The following IL20RB variants were observed in gnomAD, a reference collection of about 807,000 sequenced individuals.
The protein encoded by IL20RB is interleukin-20 receptor subunit beta.
In IL20RB, 21 loss-of-function variants were observed where a neutral mutation model predicts 33.3. The observed-to-expected ratio is 0.63, with a 90% CI of 0.45 to 0.91. The LOEUF (loss-of-function observed/expected upper bound fraction) is 0.91. Ranked by LOEUF, IL20RB falls within the 40% of genes least tolerant of loss-of-function variation. The probability of loss-of-function intolerance (pLI) is 0.00; values close to 1 mark genes in which losing one functional copy is unlikely to be tolerated. For synonymous variants in IL20RB, 147 were observed against 146.8 expected (o/e 1.00, Z -0.01); for missense variants, 345 against 384.8 (o/e 0.90, Z 0.86).
At chr3:136,984,354 TGGAGTGGAAA>T (rs1941852430) in intron 3 of IL20RB, among the ~76,000 whole-genome samples, 1 of 151,974 alleles carries the variant, frequency 6.6e-6, no homozygotes, top group Non-Finnish European at 1.5e-5. Context: ...AGTAACTTCA[TGGAGTGGAAA>T]GGATGACCAT....
chr3:136,994,215 A>G (rs1437172374), intron 5 of IL20RB, among the ~76,000 whole-genome samples: 4 of 152,172 alleles, frequency 2.6e-5, no homozygotes, highest in Non-Finnish European at 5.9e-5. Flanking sequence ...ATTTGATAGC[A>G]CAATAGGATG....
intron 3 of IL20RB, among the ~76,000 whole-genome samples, chr3:136,989,062 T>G (rs913937418): frequency 6.6e-6 from 1 of 152,130 alleles, no homozygotes; most frequent in African/African-American, 2.4e-5. Flanking sequence ...GCTGAAAAAG[T>G]GGTGACAGGA....
At position 136,958,197 on chromosome 3, in the gene IL20RB, C is replaced by A; in HGVS notation, c.84C>A (p.Leu28=). Residue 28 remains leucine, a synonymous_variant, in exon 1 of 7, where the codon CTC becomes CTA. Coordinates refer to ENST00000329582, the MANE Select transcript of IL20RB (RefSeq NM_144717.4). ...TCTACGCATTGATTCCATGTTTGCT[C>A]ACAGGTAAGTATGAATTAGAATACA... The part of the protein sequence containing the change: ...WFFYALIPCL[L]TDEVAILPAP... 1 of 1,593,378 alleles carries A rather than the reference C, an allele frequency of 6.3e-7. No homozygotes were observed. Among genetic ancestry groups the A allele is most frequent in the Non-Finnish European group, 8.6e-7 (1 of 1,161,280 alleles).
chr3:136,999,557 A>ATT (rs34743717), intron 6 of IL20RB, among the ~76,000 whole-genome samples: 1,599 of 142,572 alleles, frequency 0.011, 20 homozygotes, highest in South Asian at 0.035. Flanking sequence ...TTCTTCAGGT[A>ATT]TTTTTTTTTT....
chr3:137,006,331 G>A (rs538277429), intron 6 of IL20RB, among the ~76,000 whole-genome samples: 2 of 152,310 alleles, frequency 1.3e-5, no homozygotes, highest in East Asian at 3.9e-4. Context: ...GGTTGGGGAA[G>A]TTCTCCTGGA....
intron 2 of IL20RB, among the ~76,000 whole-genome samples, chr3:136,981,267 T>TAAATTAAATTAAATTAAATG (rs1553804169): frequency 1.3e-5 from 2 of 150,748 alleles, no homozygotes; most frequent in Non-Finnish European, 3.0e-5. Context: ...TATTTAAATT[T>TAAATTAAATTAAATTAAATG]AAATTAAATT....
chr3:137,000,825 C>T (rs189155917), intron 6 of IL20RB, among the ~76,000 whole-genome samples: 1 of 152,276 alleles, frequency 6.6e-6, no homozygotes, highest in East Asian at 1.9e-4. Flanking sequence ...AACTCTGCTG[C>T]CCATGCTTAC....
At chr3:136,995,729 A>T (rs1169432456) in intron 6 of IL20RB, among the ~76,000 whole-genome samples, 173 bp downstream of exon 6, 1 of 152,206 alleles carries the variant, frequency 6.6e-6, no homozygotes, top group Non-Finnish European at 1.5e-5. Context: ...AGGTACTGGA[A>T]GAAATCTCCC....
At chr3:136,961,278 G>A (rs1941209764) in intron 1 of IL20RB, among the ~76,000 whole-genome samples, 1 of 152,124 alleles carries the variant, frequency 6.6e-6, no homozygotes, top group Non-Finnish European at 1.5e-5. Context: ...AGCCTGCTGG[G>A]AAGTACACTA....
chr3:136,982,409 T>C, intron 3 of IL20RB, 59 bp downstream of exon 3: 1 of 1,270,372 alleles, frequency 7.9e-7, no homozygotes, highest in Non-Finnish European at 1.1e-6. Flanking sequence ...AGGAACCATG[T>C]TCACCTAAAC....
chr3:136,975,548 A>C (rs1359711295), intron 1 of IL20RB, among the ~76,000 whole-genome samples: 1 of 152,170 alleles, frequency 6.6e-6, no homozygotes, highest in Non-Finnish European at 1.5e-5. Flanking sequence ...CATGTTAGCC[A>C]GGATGGTCTT....
At chr3:136,986,983 C>T (rs912614775) in intron 3 of IL20RB, among the ~76,000 whole-genome samples, 7 of 152,110 alleles carry the variant, frequency 4.6e-5, no homozygotes, top group East Asian at 3.9e-4. Flanking sequence ...CTCGTGGTCT[C>T]GCTGGCTTCA....
At chr3:136,967,252 G>A (rs1270692405) in intron 1 of IL20RB, among the ~76,000 whole-genome samples, 1 of 151,448 alleles carries the variant, frequency 6.6e-6, no homozygotes, top group Non-Finnish European at 1.5e-5. Context: ...GGGTATCCTT[G>A]TTGACTTTCT....
intron 6 of IL20RB, among the ~76,000 whole-genome samples, chr3:137,006,525 C>T (rs1942353356): frequency 6.6e-6 from 1 of 152,182 alleles, no homozygotes; most frequent in Non-Finnish European, 1.5e-5. Context: ...ATATGATCTT[C>T]AGTGACTGAT....
chr3:137,005,656 G>A (rs575592809), intron 6 of IL20RB, among the ~76,000 whole-genome samples: 1 of 152,050 alleles, frequency 6.6e-6, no homozygotes, highest in African/African-American at 2.4e-5. Context: ...GAGCCTATGT[G>A]CATCTTTGCA....
At chr3:136,963,641 GT>G (rs1209901639) in intron 1 of IL20RB, among the ~76,000 whole-genome samples, 1 of 144,096 alleles carries the variant, frequency 6.9e-6, no homozygotes, top group Non-Finnish European at 1.5e-5. Flanking sequence ...CTACTGCTGA[GT>G]TTTGAGAGTT....
rs1428916012 is a variant in IL20RB at position 137,010,363 on chromosome 3, A to G, written c.*140A>G. 4 of 598,910 alleles carry G rather than the reference A, an allele frequency of 6.7e-6. No individual in the cohort carries two copies. Among genetic ancestry groups the G allele is most frequent in the Admixed American group, 5.9e-5 (2 of 33,838 alleles). The allele number at this position is 598,910 out of a possible 1,614,324, so 37.1% of individuals were successfully genotyped here. A position where few individuals can be genotyped will look rare whatever the true frequency, so the allele number is the denominator to read the frequency against. On this transcript the variant is annotated 3_prime_UTR_variant, in exon 7 of 7. Coordinates refer to ENST00000329582, the MANE Select transcript of IL20RB (RefSeq NM_144717.4). ...AGAGCCTGTTGTCTACAAGTCTAGA[A>G]GCAACCATCAGAGGCAGGGTGGTTT...
chr3:136,971,291 C>T (rs1057349762), intron 1 of IL20RB, among the ~76,000 whole-genome samples: 10 of 152,146 alleles, frequency 6.6e-5, no homozygotes, highest in South Asian at 4.2e-4. Flanking sequence ...CCACCACACC[C>T]GGCTAATTTT....
chr3:136,992,848 T>C (rs1265394495), intron 5 of IL20RB, among the ~76,000 whole-genome samples: 1 of 152,196 alleles, frequency 6.6e-6, no homozygotes, highest in Admixed American at 6.5e-5. Flanking sequence ...ATTACAGGTG[T>C]GAGCCACCAT....
Sources: gnomAD v4.1 joint callset for allele counts (sites outside exome capture counted in the v4.1 genomes callset) on GRCh38, gnomAD v4.1.1 for gene constraint, MANE v1.5 for transcripts, NCBI Gene and HGNC (gene_info 2026-07-23, HGNC 2026-07-21) for gene names.